PRSS48: variants seen among roughly 807,000 people sequenced by gnomAD.
The protein encoded by PRSS48 is epidermis-specific serine protease-like protein.
A neutral mutation model predicts 25.6 loss-of-function variants in PRSS48; 21 were observed. The observed-to-expected ratio is 0.82, with a 90% CI of 0.58 to 1.18. The LOEUF is 1.18. PRSS48 is among the 50% of genes most tolerant of loss of function. PRSS48 has a pLI of 0.00. For synonymous variants in PRSS48, 150 were observed against 149.3 expected (o/e 1.00, Z -0.04); for missense variants, 373 against 399.3 (o/e 0.93, Z 0.56).
intron 4 of PRSS48, among the ~76,000 whole-genome samples, chr4:151,289,752 A>G (rs778814600): frequency 1.3e-5 from 2 of 152,162 alleles, no homozygotes; most frequent in Non-Finnish European, 2.9e-5. Flanking sequence ...TCCTAGGTAT[A>G]TGACCAAGAA....
intron 4 of PRSS48, among the ~76,000 whole-genome samples, chr4:151,287,607 T>C (rs1774933613): frequency 6.6e-6 from 1 of 152,010 alleles, no homozygotes; most frequent in Admixed American, 6.6e-5. Flanking sequence ...GGTATGTGGG[T>C]TCTTTTTAGG....
intron 4 of PRSS48, among the ~76,000 whole-genome samples, chr4:151,287,723 C>T (rs982893429): frequency 6.6e-6 from 1 of 152,072 alleles, no homozygotes; most frequent in Admixed American, 6.6e-5. Flanking sequence ...AGTGAGACCT[C>T]GTTTCTACAA....
exon 3 of PRSS48, chr4:151,282,266 A>T (rs200807354): frequency 6.2e-7 from 1 of 1,613,860 alleles, no homozygotes; most frequent in Non-Finnish European, 8.5e-7. Context: ...CCAAGATACA[A>T]CGGCAGACGT....
At chr4:151,280,054 T>TGTCAGACTATCAAACCCGAAACAACTAG (rs1774048451) in intron 2 of PRSS48, 96 bp downstream of exon 2, 8 of 873,776 alleles carry the variant, frequency 9.2e-6, no homozygotes, top group African/African-American at 1.6e-5. Context: ...AGTGGTAAAA[T>TGTCAGACTATCAAACCCGAAACAACTAG]AGGCAGGGCG....
At chr4:151,282,171 C>T (rs370412647) in exon 3 of PRSS48, 57 of 1,613,790 alleles carry the variant, frequency 3.5e-5, no homozygotes, top group Non-Finnish European at 4.5e-5. Flanking sequence ...TTTTCATATA[C>T]TGTGTGGCTA....
intron 2 of PRSS48, among the ~76,000 whole-genome samples, chr4:151,280,790 T>C (rs145152765): frequency 1.3e-3 from 193 of 147,356 alleles, no homozygotes; most frequent in African/African-American, 4.6e-3. Context: ...ACCCTGTCTC[T>C]AAAAAAAAAA....
At chr4:151,285,171 T>C (rs572347827) in intron 4 of PRSS48, among the ~76,000 whole-genome samples, 1 of 152,196 alleles carries the variant, frequency 6.6e-6, no homozygotes, top group Non-Finnish European at 1.5e-5. Flanking sequence ...CACTCTCCAC[T>C]GCCTTCAGAG....
chr4:151,283,440 T>C (rs1206985938), intron 4 of PRSS48, among the ~76,000 whole-genome samples, 154 bp downstream of exon 4: 1 of 151,890 alleles, frequency 6.6e-6, no homozygotes, highest in Non-Finnish European at 1.5e-5. Context: ...TTAACTTCTA[T>C]CTGTGAAATC....
chr4:151,283,078 T>A, intron 3 of PRSS48, 39 bp from the exon 4 acceptor site: 1 of 1,603,344 alleles, frequency 6.2e-7, no homozygotes, highest in Non-Finnish European at 8.5e-7. Context: ...TGCACTTTTC[T>A]AGGTTGCTTT....
At chr4:151,287,824 G>A (rs1774960459) in intron 4 of PRSS48, among the ~76,000 whole-genome samples, 4 of 152,144 alleles carry the variant, frequency 2.6e-5, no homozygotes, top group African/African-American at 9.7e-5. Context: ...AGGCCACAGT[G>A]AGCAGTGTTT....
Position 151,291,101 on chromosome 4 carries a change from T to C in PRSS48, c.652-17T>C. 6.3e-7 allele frequency: 1 copy of C among 1,584,084 alleles called. No homozygotes were observed. The highest frequency in any genetic ancestry group is 1.1e-5 in the South Asian group (1 of 88,950). Reference sequence around the variant, plus strand: ...GCCTCTTTTCACTATGCTCATTACCTTTCATTTCTTCCTTAGGGTGATTCT... The same window carrying C: ...GCCTCTTTTCACTATGCTCATTACCCTTCATTTCTTCCTTAGGGTGATTCT... On this transcript the variant is annotated splice_polypyrimidine_tract_variant and intron_variant, in intron 4 of 4. Coordinates refer to ENST00000455694, the Ensembl canonical transcript of PRSS48.
chr4:151,280,060 G>C, intron 2 of PRSS48, 102 bp downstream of exon 2: 1 of 1,356,178 alleles, frequency 7.4e-7, no homozygotes, highest in Non-Finnish European at 1.0e-6. Context: ...AAAATAGGCA[G>C]GGCGGAAGGA....
intron 2 of PRSS48, among the ~76,000 whole-genome samples, chr4:151,281,296 C>T (rs974323880): frequency 6.6e-6 from 1 of 152,178 alleles, no homozygotes; most frequent in African/African-American, 2.4e-5. Context: ...AGTGAGCCCA[C>T]TTATCAACTC....
intron 4 of PRSS48, among the ~76,000 whole-genome samples, chr4:151,287,857 G>A (rs1774964024): frequency 6.6e-6 from 1 of 152,078 alleles, no homozygotes; most frequent in Non-Finnish European, 1.5e-5. Flanking sequence ...TCCAGCCTGG[G>A]AGACAAAGTG....
intron 4 of PRSS48, among the ~76,000 whole-genome samples, chr4:151,288,637 C>A (rs111958807): frequency 2.7e-4 from 41 of 151,748 alleles, no homozygotes; most frequent in Middle Eastern, 3.4e-3. Flanking sequence ...CCACTGCACT[C>A]CAGCCTGGGC....
chr4:151,277,277 A>G, intron 1 of PRSS48, 53 bp downstream of exon 1: 1 of 1,377,136 alleles, frequency 7.3e-7, no homozygotes, highest in Non-Finnish European at 9.7e-7. Flanking sequence ...TTTACTAAAG[A>G]GGGCATCACA....
chr4:151,289,307 G>T (rs986858592), intron 4 of PRSS48, among the ~76,000 whole-genome samples: 1 of 152,144 alleles, frequency 6.6e-6, no homozygotes, highest in South Asian at 2.1e-4. Context: ...GTAGGTCTTT[G>T]TGACCTTGAT....
At chr4:151,288,670 T>C (rs57372803) in intron 4 of PRSS48, among the ~76,000 whole-genome samples, 11,996 of 151,398 alleles carry the variant, frequency 0.079, 529 homozygotes, top group Middle Eastern at 0.12. Flanking sequence ...CGAGACTCTG[T>C]CTTAAAAAAA....
chr4:151,286,982 A>AAATAATAAT (rs113584974), intron 4 of PRSS48, among the ~76,000 whole-genome samples: 3,530 of 141,772 alleles, frequency 0.025, 92 homozygotes, highest in African/African-American at 0.063. Context: ...TCTGTCTCAA[A>AAATAATAAT]AATAATAATA....
Sources: allele counts gnomAD v4.1 joint callset (sites outside exome capture counted in the v4.1 genomes callset), GRCh38; gene constraint gnomAD v4.1.1; transcripts MANE v1.5; gene names NCBI Gene and HGNC (gene_info 2026-07-23, HGNC 2026-07-21).